Variants in FAF1 observed in about 807,000 individuals in gnomAD.
FAF1 encodes the protein FAS-associated factor 1.
A neutral mutation model predicts 92.5 loss-of-function variants in FAF1; 25 were observed. The observed-to-expected ratio is 0.27, with a 90% CI of 0.20 to 0.38. The LOEUF (loss-of-function observed/expected upper bound fraction) is 0.38, where lower values mean the gene tolerates loss of function less well. Among genes scored for constraint, FAF1 ranks in the 10% least tolerant of loss-of-function variants. The pLI is 1.00. For missense variants in FAF1, 636 were observed against 793.3 expected, an observed-to-expected ratio of 0.80 and a Z score of 2.38; for synonymous variants, 234 against 273.2, an observed-to-expected ratio of 0.86 and a Z score of 1.42.
At chr1:50,803,261 A>G (rs1372517309) in intron 2 of FAF1, among the ~76,000 whole-genome samples, 1 of 152,200 alleles carries the variant, frequency 6.6e-6, no homozygotes, top group Non-Finnish European at 1.5e-5. Flanking sequence ...TGGAAAAGAA[A>G]CAAAATACCA....
At chr1:50,779,018 A>G (rs1414876470) in intron 4 of FAF1, among the ~76,000 whole-genome samples, 7 of 152,212 alleles carry the variant, frequency 4.6e-5, no homozygotes, top group Non-Finnish European at 1.0e-4. Flanking sequence ...AGTTTATGTC[A>G]CATTCTAAAT....
At chr1:50,621,314 G>C (rs886662476) in intron 8 of FAF1, among the ~76,000 whole-genome samples, 2 of 151,906 alleles carry the variant, frequency 1.3e-5, no homozygotes, top group Non-Finnish European at 2.9e-5. Context: ...ATGGGCCTTC[G>C]CAGGAGCCAG....
intron 7 of FAF1, among the ~76,000 whole-genome samples, chr1:50,683,659 G>A (rs1656523426): frequency 6.6e-6 from 1 of 152,036 alleles, no homozygotes; most frequent in Admixed American, 6.6e-5. Flanking sequence ...TTGGCCGGGT[G>A]CAGTGGCTCA....
At chr1:50,638,521 T>C (rs1654171760) in intron 8 of FAF1, among the ~76,000 whole-genome samples, 1 of 150,650 alleles carries the variant, frequency 6.6e-6, no homozygotes, top group Non-Finnish European at 1.5e-5. Flanking sequence ...CTCCGCTCAC[T>C]GCAACTTCTG....
intron 1 of FAF1, among the ~76,000 whole-genome samples, chr1:50,883,319 G>A (rs1644629431): frequency 6.6e-6 from 1 of 152,102 alleles, no homozygotes; most frequent in Non-Finnish European, 1.5e-5. Flanking sequence ...ATTTTTATTT[G>A]CAAAATGCTA....
At chr1:50,599,791 G>C (rs1426598668) in intron 8 of FAF1, among the ~76,000 whole-genome samples, 1 of 152,086 alleles carries the variant, frequency 6.6e-6, no homozygotes, top group East Asian at 1.9e-4. Context: ...ACAAATGATG[G>C]GCAGACAAAC....
intron 16 of FAF1, 141 bp from the exon 17 acceptor site, chr1:50,490,806 G>A: frequency 1.5e-6 from 1 of 646,934 alleles, no homozygotes; most frequent in Non-Finnish European, 2.8e-6. Flanking sequence ...TGACTCAGAG[G>A]TATATTGTGG....
chr1:50,587,880 A>T (rs892226175), intron 9 of FAF1, among the ~76,000 whole-genome samples: 1 of 152,226 alleles, frequency 6.6e-6, no homozygotes, highest in African/African-American at 2.4e-5. Context: ...TAAACCGTTT[A>T]AGGTAAACAT....
chr1:50,694,351 A>G (rs1187673775), intron 7 of FAF1, among the ~76,000 whole-genome samples: 2 of 152,184 alleles, frequency 1.3e-5, no homozygotes, highest in African/African-American at 4.8e-5. Context: ...AAAGGACTAG[A>G]AACAAATGCT....
intron 8 of FAF1, among the ~76,000 whole-genome samples, chr1:50,618,070 G>A (rs1435001040): frequency 6.6e-6 from 1 of 151,952 alleles, no homozygotes; most frequent in Non-Finnish European, 1.5e-5. Flanking sequence ...CTAGCTAGTA[G>A]TCTATCAATC....
intron 18 of FAF1, among the ~76,000 whole-genome samples, chr1:50,466,108 T>G (rs1166914053): frequency 6.6e-6 from 1 of 152,118 alleles, no homozygotes; most frequent in African/African-American, 2.4e-5. Flanking sequence ...CAGAGGCCAG[T>G]AGGATATCAT....
At chr1:50,550,351 TAAAA>T (rs11297579) in intron 13 of FAF1, among the ~76,000 whole-genome samples, 4 of 108,358 alleles carry the variant, frequency 3.7e-5, no homozygotes, top group Non-Finnish European at 3.6e-5. Context: ...ACTCCGTCTT[TAAAA>T]AAAAAAAAAA....
intron 5 of FAF1, among the ~76,000 whole-genome samples, chr1:50,744,398 G>C (rs1659508442): frequency 6.6e-6 from 1 of 152,094 alleles, no homozygotes; most frequent in African/African-American, 2.4e-5. Context: ...TGAGAAAAAG[G>C]TAAAGCCTCT....
At chr1:50,718,495 TAC>T (rs1230918332) in intron 6 of FAF1, among the ~76,000 whole-genome samples, 2 of 152,228 alleles carry the variant, frequency 1.3e-5, no homozygotes, top group Non-Finnish European at 2.9e-5. Flanking sequence ...CTAACATCAA[TAC>T]AGTGATTGAA....
intron 2 of FAF1, among the ~76,000 whole-genome samples, chr1:50,815,246 C>G (rs1272730225): frequency 2.0e-5 from 3 of 152,110 alleles, no homozygotes; most frequent in Non-Finnish European, 2.9e-5. Flanking sequence ...TCTCTCCCCT[C>G]TAGTAATCCC....
chr1:50,721,443 G>C (rs557067991), intron 6 of FAF1, among the ~76,000 whole-genome samples: 1 of 151,924 alleles, frequency 6.6e-6, no homozygotes. Flanking sequence ...TCGATCTCAC[G>C]ACCTCAGGAT....
intron 9 of FAF1, among the ~76,000 whole-genome samples, chr1:50,591,341 TG>T (rs1207424163): frequency 6.6e-6 from 1 of 152,140 alleles, no homozygotes; most frequent in Non-Finnish European, 1.5e-5. Context: ...TTCACTAAAC[TG>T]TGTATTTGTG....
intron 15 of FAF1, among the ~76,000 whole-genome samples, chr1:50,509,195 T>A (rs1647100607): frequency 6.6e-6 from 1 of 152,300 alleles, no homozygotes; most frequent in Non-Finnish European, 1.5e-5. Context: ...GTGCTGATAC[T>A]TTATGGCTAA....
At chr1:50,718,324 G>A (rs374087163) in intron 6 of FAF1, among the ~76,000 whole-genome samples, 6 of 152,240 alleles carry the variant, frequency 3.9e-5, no homozygotes, top group South Asian at 2.1e-4. Context: ...CACCGTGCCC[G>A]GCCACAATCC....
Sources: gnomAD v4.1 joint callset for allele counts (sites outside exome capture counted in the v4.1 genomes callset) on GRCh38, gnomAD v4.1.1 for gene constraint, MANE v1.5 for transcripts, NCBI Gene and HGNC (gene_info 2026-07-23, HGNC 2026-07-21) for gene names.